The following KCNIP4 variants were observed in gnomAD, a reference collection of about 807,000 sequenced individuals.
KCNIP4 encodes potassium voltage-gated channel interacting protein 4, also known as Kv channel-interacting protein 4.
A neutral mutation model predicts 34.0 loss-of-function variants in KCNIP4; 12 were observed. The observed-to-expected ratio is 0.35, with a 90% confidence interval of 0.23 to 0.57. The LOEUF is 0.57. KCNIP4 is among the 20% of genes least tolerant of loss of function. KCNIP4 has a pLI of 0.83. For synonymous variants in KCNIP4, 124 were observed against 102.2 expected (o/e 1.21, Z -1.29); for missense variants, 238 against 311.7 (o/e 0.76, Z 1.78).
At chr4:21,822,700 A>C (rs531208421) in intron 1 of KCNIP4, among the ~76,000 whole-genome samples, 133 of 149,358 alleles carry the variant, frequency 8.9e-4, no homozygotes, top group African/African-American at 3.1e-3. Context: ...TACCAGTACA[A>C]AGTATATTAT....
intron 1 of KCNIP4, among the ~76,000 whole-genome samples, chr4:21,157,468 C>G (rs995551207): frequency 5.9e-5 from 9 of 151,588 alleles, no homozygotes; most frequent in Non-Finnish European, 1.3e-4. Flanking sequence ...AACAACCAAA[C>G]AGGCAAAATA....
chr4:21,755,658 C>G (rs1011374374), intron 1 of KCNIP4, among the ~76,000 whole-genome samples: 5 of 152,102 alleles, frequency 3.3e-5, no homozygotes, highest in Admixed American at 2.6e-4. Context: ...TAATGGACTT[C>G]CCAAGCATGG....
intron 1 of KCNIP4, among the ~76,000 whole-genome samples, chr4:21,714,750 G>T (rs1714018830): frequency 6.7e-6 from 1 of 150,072 alleles, no homozygotes; most frequent in Non-Finnish European, 1.5e-5. Flanking sequence ...ACCTATGAAT[G>T]GATATTATAA....
intron 1 of KCNIP4, among the ~76,000 whole-genome samples, chr4:21,347,796 T>TAAGA (rs1717602737): frequency 6.6e-6 from 1 of 152,146 alleles, no homozygotes; most frequent in Non-Finnish European, 1.5e-5. Context: ...TCCTGCTGAA[T>TAAGA]AAGAGTAGGG....
At chr4:21,947,375 G>A (rs1019074059) in intron 1 of KCNIP4, among the ~76,000 whole-genome samples, 2 of 152,202 alleles carry the variant, frequency 1.3e-5, no homozygotes, top group African/African-American at 4.8e-5. Context: ...CAAATGTGGG[G>A]CTTTACAGGT....
intron 1 of KCNIP4, among the ~76,000 whole-genome samples, chr4:21,531,307 T>G (rs1171764212): frequency 6.6e-6 from 1 of 150,602 alleles, no homozygotes; most frequent in Non-Finnish European, 1.5e-5. Flanking sequence ...TCTCTCTCTT[T>G]TCTTCCTTCC....
At chr4:21,174,830 G>A (rs1230862411) in intron 1 of KCNIP4, among the ~76,000 whole-genome samples, 9 of 151,456 alleles carry the variant, frequency 5.9e-5, no homozygotes, top group South Asian at 2.1e-4. Flanking sequence ...ACTTGAACCC[G>A]TGGAGGTTGC....
chr4:21,053,543 T>C (rs113956834), intron 1 of KCNIP4, among the ~76,000 whole-genome samples: 3,706 of 152,246 alleles, frequency 0.024, 69 homozygotes, highest in Non-Finnish European at 0.04. Flanking sequence ...GGAAATAAAA[T>C]GTAAACACCT....
intron 3 of KCNIP4, among the ~76,000 whole-genome samples, chr4:20,769,661 G>C (rs564385790): frequency 6.6e-6 from 1 of 152,232 alleles, no homozygotes; most frequent in African/African-American, 2.4e-5. Flanking sequence ...AGTCTGACAT[G>C]GCTTAGCTGT....
At chr4:21,641,194 T>A (rs559471673) in intron 1 of KCNIP4, among the ~76,000 whole-genome samples, 1 of 152,372 alleles carries the variant, frequency 6.6e-6, no homozygotes, top group East Asian at 1.9e-4. Flanking sequence ...TACATGAAGA[T>A]GTGTCCCAAA....
chr4:21,376,895 A>G (rs942933662), intron 1 of KCNIP4, among the ~76,000 whole-genome samples: 1 of 152,224 alleles, frequency 6.6e-6, no homozygotes, highest in African/African-American at 2.4e-5. Context: ...TATTATATCC[A>G]TAGCAGAAGA....
At chr4:21,592,387 T>A (rs1435256447) in intron 1 of KCNIP4, among the ~76,000 whole-genome samples, 1 of 152,102 alleles carries the variant, frequency 6.6e-6, no homozygotes, top group Non-Finnish European at 1.5e-5. Context: ...AAGTATTCCA[T>A]CATAGAAAGT....
chr4:21,389,385 A>G (rs1415144518), intron 1 of KCNIP4, among the ~76,000 whole-genome samples: 8 of 151,686 alleles, frequency 5.3e-5, no homozygotes, highest in African/African-American at 1.2e-4. Context: ...CATGTGCCAT[A>G]TTGGTGTGCT....
At chr4:21,483,084 G>C in intron 1 of KCNIP4, among the ~76,000 whole-genome samples, 1 of 132,688 alleles carries the variant, frequency 7.5e-6, no homozygotes, top group African/African-American at 2.8e-5. Flanking sequence ...GTTGTGGGGT[G>C]GGGGAGGGGG....
intron 1 of KCNIP4, among the ~76,000 whole-genome samples, chr4:21,336,765 A>C (rs1716218494): frequency 6.6e-6 from 1 of 152,094 alleles, no homozygotes; most frequent in African/African-American, 2.4e-5. Flanking sequence ...CTGTAATATG[A>C]AGGGATGGAC....
At chr4:21,597,752 C>G (rs1742770852) in intron 1 of KCNIP4, among the ~76,000 whole-genome samples, 1 of 152,120 alleles carries the variant, frequency 6.6e-6, no homozygotes, top group African/African-American at 2.4e-5. Context: ...TTAAAATATA[C>G]TACCATGCTG....
chr4:21,435,815 C>T (rs936094198), intron 1 of KCNIP4, among the ~76,000 whole-genome samples: 10 of 152,116 alleles, frequency 6.6e-5, no homozygotes, highest in Non-Finnish European at 1.2e-4. Flanking sequence ...TTATCAACGA[C>T]TTCTACTGGA....
intron 1 of KCNIP4, among the ~76,000 whole-genome samples, chr4:21,396,890 T>A (rs1255363801): frequency 6.6e-6 from 1 of 152,196 alleles, no homozygotes; most frequent in Non-Finnish European, 1.5e-5. Flanking sequence ...TTTAGCCCAG[T>A]GAAATGAATT....
chr4:20,962,495 T>C (rs1447088359), intron 1 of KCNIP4, among the ~76,000 whole-genome samples: 1 of 152,174 alleles, frequency 6.6e-6, no homozygotes, highest in Non-Finnish European at 1.5e-5. Context: ...GTGATGTTAT[T>C]TACTGGCTCT....
Sources: allele counts gnomAD v4.1 joint callset (sites outside exome capture counted in the v4.1 genomes callset), GRCh38; gene constraint gnomAD v4.1.1; transcripts MANE v1.5; gene names NCBI Gene and HGNC (gene_info 2026-07-23, HGNC 2026-07-21).